MICU2: variants seen among roughly 807,000 people sequenced by gnomAD.
The protein encoded by MICU2 is calcium uptake protein 2, mitochondrial.
In MICU2, 64 loss-of-function variants were observed where a neutral mutation model predicts 60.4. The observed-to-expected ratio is 1.06, with a 90% confidence interval of 0.87 to 1.31. The LOEUF is 1.31. MICU2 is among the 50% of genes most tolerant of loss of function. The pLI, the probability that MICU2 is intolerant of heterozygous loss-of-function variation, is 0.00. For missense variants in MICU2, 569 were observed against 531.0 expected (o/e 1.07, Z -0.70); for synonymous variants, 201 against 175.0 (o/e 1.15, Z -1.17).
In MICU2 at chr13:21,493,108, G is replaced by T; in HGVS notation, c.*141C>A. On this transcript the variant is annotated 3_prime_UTR_variant, in exon 12 of 12. Transcript: ENST00000382374. ...CTACTAAGTTCTTTAATAAAATTAT[G>T]AATCAGAAAGCAAGTACAAGACATG... The T allele has an allele frequency of 4.4e-6, 2 of 458,282 alleles. No individual in the cohort carries two copies. The highest frequency in any genetic ancestry group is 7.5e-6 in the Non-Finnish European group (2 of 266,634). 28.4% of individuals were successfully genotyped at this position (458,282 alleles called of 1,614,324 possible). A position where few individuals can be genotyped will look rare whatever the true frequency, so the allele number is the denominator to read the frequency against.
At position 21,533,733 on chromosome 13, in the gene MICU2, G is replaced by GTA. The variant is rs138854829; in HGVS notation, c.466+5567_466+5568dup. Among the ~76,000 whole-genome samples, 737 of 152,046 alleles carry GTA rather than the reference G, an allele frequency of 4.8e-3. 6 individuals are homozygous for GTA. The highest frequency in any genetic ancestry group is 0.017 in the African/African-American group (715 of 41,454). ...GTGACTAATACACTTTGAAATAACTGTATACCACATTAAATATGGTAATAC... is the reference window on the plus strand; with the variant it reads ...GTGACTAATACACTTTGAAATAACTGTATATACCACATTAAATATGGTAATAC... On this transcript the variant is annotated intron_variant, in intron 4 of 11. Transcript: ENST00000382374.
intron 4 of MICU2, among the ~76,000 whole-genome samples, chr13:21,538,022 C>T (rs953721239): frequency 1.1e-4 from 16 of 152,026 alleles, no homozygotes; most frequent in African/African-American, 3.9e-4. Flanking sequence ...TCCACCTCTC[C>T]TTCTCATCAA....
chr13:21,584,231 T>C (rs2138061326), intron 1 of MICU2, among the ~76,000 whole-genome samples: 1 of 151,752 alleles, frequency 6.6e-6, no homozygotes, highest in South Asian at 2.1e-4. Flanking sequence ...CTACTAAAAA[T>C]ACAAAAAATT....
At chr13:21,599,061 T>C (rs1217328707) in intron 1 of MICU2, among the ~76,000 whole-genome samples, 1 of 152,164 alleles carries the variant, frequency 6.6e-6, no homozygotes, top group Non-Finnish European at 1.5e-5. Flanking sequence ...TGTACTCCTA[T>C]GAGAATCTAA....
chr13:21,592,427 C>T (rs779242581), intron 1 of MICU2, among the ~76,000 whole-genome samples: 2 of 152,150 alleles, frequency 1.3e-5, no homozygotes, highest in Non-Finnish European at 2.9e-5. Context: ...TGAATTCTAC[C>T]AGAAATACAA....
chr13:21,539,724 T>A, intron 2 of MICU2, 36 bp from the exon 3 acceptor site: 1 of 1,596,144 alleles, frequency 6.3e-7, no homozygotes, highest in Non-Finnish European at 8.6e-7. Context: ...AGTATCCATA[T>A]TCTTTGGTAA....
intron 6 of MICU2, among the ~76,000 whole-genome samples, chr13:21,515,830 A>G (rs1044091): frequency 0.14 from 20,741 of 152,176 alleles, 1,580 homozygotes; most frequent in Middle Eastern, 0.23. Context: ...CCCCTACTTA[A>G]TTATTTTTGG....
At chr13:21,555,171 G>A (rs1240635823) in intron 2 of MICU2, among the ~76,000 whole-genome samples, 2 of 152,154 alleles carry the variant, frequency 1.3e-5, no homozygotes, top group Non-Finnish European at 2.9e-5. Context: ...CTTATTTTAT[G>A]AGGCCAGCAT....
chr13:21,564,943 T>C (rs1462201388), intron 2 of MICU2, among the ~76,000 whole-genome samples: 1 of 152,140 alleles, frequency 6.6e-6, no homozygotes, highest in African/African-American at 2.4e-5. Flanking sequence ...TAAATATTCC[T>C]ACCTGAAGCT....
At chr13:21,535,192 A>G (rs996942961) in intron 4 of MICU2, among the ~76,000 whole-genome samples, 1 of 152,094 alleles carries the variant, frequency 6.6e-6, no homozygotes, top group African/African-American at 2.4e-5. Flanking sequence ...ACACTTTTTA[A>G]TAGAATTTCT....
At chr13:21,549,892 G>A (rs1158546215) in intron 2 of MICU2, among the ~76,000 whole-genome samples, 1 of 152,078 alleles carries the variant, frequency 6.6e-6, no homozygotes, top group African/African-American at 2.4e-5. Flanking sequence ...GCTTACAGTT[G>A]GCTAATTATT....
At chr13:21,517,770 GACACACACACAC>G (rs374373614) in intron 6 of MICU2, among the ~76,000 whole-genome samples, 1 of 144,504 alleles carries the variant, frequency 6.9e-6, no homozygotes, top group Non-Finnish European at 1.5e-5. Context: ...ACAGAGCGAG[GACACACACACAC>G]ACACACACAC....
chr13:21,499,897 C>T (rs1484331317), intron 9 of MICU2, among the ~76,000 whole-genome samples: 1 of 152,096 alleles, frequency 6.6e-6, no homozygotes, highest in Non-Finnish European at 1.5e-5. Context: ...TGGTGGTATG[C>T]GCCTGTAATC....
Position 21,522,597 on chromosome 13 carries a change from A to C in MICU2, c.514+6T>G. 6.3e-7 allele frequency: 1 copy of C among 1,596,030 alleles called. No individual in the cohort carries two copies. The highest frequency in any genetic ancestry group is 8.5e-7 in the Non-Finnish European group (1 of 1,170,504). ...TGATCTCTGAGAAAAACTGTGGGAT[A>C]CTTACTAGTGAGGATTGTAAGCAAG... On this transcript the variant is annotated splice_donor_region_variant and intron_variant, in intron 5 of 11. Coordinates refer to ENST00000382374, the MANE Select transcript of MICU2 (RefSeq NM_152726.3).
At chr13:21,597,458 C>T (rs576943282) in intron 1 of MICU2, among the ~76,000 whole-genome samples, 7 of 152,134 alleles carry the variant, frequency 4.6e-5, no homozygotes, top group African/African-American at 1.7e-4. Flanking sequence ...GCCAATCAAA[C>T]CGAAGTTAGA....
chr13:21,504,189 G>A (rs1259238896), intron 8 of MICU2, among the ~76,000 whole-genome samples: 1 of 152,032 alleles, frequency 6.6e-6, no homozygotes, highest in African/African-American at 2.4e-5. Context: ...GACTGATAGA[G>A]CAACAAAATA....
chr13:21,565,485 G>A (rs778825198), intron 2 of MICU2, among the ~76,000 whole-genome samples: 4 of 152,064 alleles, frequency 2.6e-5, no homozygotes, highest in South Asian at 2.1e-4. Flanking sequence ...GTGAAACACC[G>A]TCTCTATTAA....
At chr13:21,493,487 G>A in intron 11 of MICU2, 134 bp from the exon 12 acceptor site, 2 of 609,436 alleles carry the variant, frequency 3.3e-6, no homozygotes, top group Non-Finnish European at 5.4e-6. Context: ...TGTTGTAAAA[G>A]ATGATCACAA....
intron 1 of MICU2, among the ~76,000 whole-genome samples, chr13:21,602,364 C>T (rs1195110240): frequency 1.3e-5 from 2 of 151,790 alleles, no homozygotes; most frequent in South Asian, 2.1e-4. Context: ...CTACTAAAAA[C>T]ACAAAAAATT....
Sources: allele counts gnomAD v4.1 joint callset (sites outside exome capture counted in the v4.1 genomes callset), GRCh38; gene constraint gnomAD v4.1.1; transcripts MANE v1.5; gene names NCBI Gene and HGNC (gene_info 2026-07-23, HGNC 2026-07-21).